The following TFAP2D variants were observed in gnomAD, a reference collection of about 807,000 sequenced individuals.
The protein encoded by TFAP2D is transcription factor AP-2 delta.
Under a neutral mutation model 43.6 loss-of-function variants are expected in TFAP2D, and 9 were observed. That is an observed-to-expected ratio of 0.21 (90% CI 0.12 to 0.36). TFAP2D has a LOEUF of 0.36. TFAP2D is among the 10% of genes least tolerant of loss of function. The pLI is 1.00. For synonymous variants in TFAP2D, 256 were observed against 224.9 expected (o/e 1.14, Z -1.24); for missense variants, 513 against 561.4 (o/e 0.91, Z 0.87).
chr6:50,715,969 C>T (rs1478897137), intron 2 of TFAP2D, among the ~76,000 whole-genome samples: 3 of 152,006 alleles, frequency 2.0e-5, no homozygotes, highest in African/African-American at 7.2e-5. Flanking sequence ...TGGAGGAGAT[C>T]GAGGAGTCTG....
chr6:50,715,555 A>C lies in TFAP2D; in HGVS notation c.479A>C (p.Gln160Pro). ...TCTCAGTATGGAATGCACCCAGATCAAAGACTCCTGCCAGGGCCCAGCCTG... is the reference window on the plus strand; with the variant it reads ...TCTCAGTATGGAATGCACCCAGATCCAAGACTCCTGCCAGGGCCCAGCCTG... ...HGSQYGMHPD[Q>P]RLLPGPSLGL... The change falls in exon 2 of 8, where the codon CAA (glutamine) becomes CCA (proline). Residue 160 changes from glutamine to proline, a missense_variant. Transcript: ENST00000008391. 6.2e-7 allele frequency: 1 copy of C among 1,610,214 alleles called. No homozygotes were observed. The highest frequency in any genetic ancestry group is 8.5e-7 in the Non-Finnish European group (1 of 1,179,058).
Position 50,716,966 on chromosome 6 carries a change from G to A in TFAP2D, c.537+1353G>A, listed in dbSNP as rs1225303066. On this transcript the variant is annotated intron_variant, in intron 2 of 7. Transcript: ENST00000008391. The stretch of plus-strand genomic sequence containing the variant: ...ACCGGTGCACAAGAAAAAAGATTTG[G>A]TTCCATAAACCTTGACTTTCTACAT... 2.6e-5 allele frequency among the ~76,000 whole-genome samples: 4 copies of A among 152,106 alleles called. No individual in the cohort carries two copies. The East Asian group carries it at 7.7e-4, about 29-fold the overall frequency.
At chr6:50,743,534 C>T (rs1420801566) in intron 5 of TFAP2D, among the ~76,000 whole-genome samples, 1 of 151,934 alleles carries the variant, frequency 6.6e-6, no homozygotes, top group Non-Finnish European at 1.5e-5. Flanking sequence ...AGGCATGCAC[C>T]ACCACATCTG....
chr6:50,719,707 T>A (rs935706714), intron 3 of TFAP2D, among the ~76,000 whole-genome samples: 19 of 152,142 alleles, frequency 1.2e-4, no homozygotes, highest in African/African-American at 3.6e-4. Context: ...CTGCCCTTAT[T>A]TTTCTAAGTG....
At chr6:50,760,602 TC>T (rs1769349818) in intron 7 of TFAP2D, among the ~76,000 whole-genome samples, 1 of 151,990 alleles carries the variant, frequency 6.6e-6, no homozygotes. Flanking sequence ...TTAATTAAAT[TC>T]CATTTTAAAA....
At chr6:50,760,819 G>A (rs1402307229) in intron 7 of TFAP2D, among the ~76,000 whole-genome samples, 1 of 151,814 alleles carries the variant, frequency 6.6e-6, no homozygotes, top group Non-Finnish European at 1.5e-5. Context: ...GAGATAAAGT[G>A]TCTAATACTC....
intron 1 of TFAP2D, among the ~76,000 whole-genome samples, chr6:50,714,740 G>GC (rs2114025332): frequency 6.6e-6 from 1 of 152,234 alleles, no homozygotes; most frequent in East Asian, 1.9e-4. Flanking sequence ...GCTACCCGCG[G>GC]CCCCGGAGTC....
At chr6:50,732,157 A>AT (rs890046749) in intron 5 of TFAP2D, among the ~76,000 whole-genome samples, 1 of 152,086 alleles carries the variant, frequency 6.6e-6, no homozygotes, top group Non-Finnish European at 1.5e-5. Context: ...CAAAAACTAG[A>AT]TTTTTAGTAT....
chr6:50,742,060 G>A (rs939710499), intron 5 of TFAP2D, among the ~76,000 whole-genome samples: 1 of 152,010 alleles, frequency 6.6e-6, no homozygotes, highest in Admixed American at 6.6e-5. Context: ...TAAACCTGTT[G>A]ACTAAGACAT....
chr6:50,730,562 C>T (rs899045692), intron 5 of TFAP2D, among the ~76,000 whole-genome samples: 2 of 151,982 alleles, frequency 1.3e-5, no homozygotes, highest in African/African-American at 4.8e-5. Flanking sequence ...GATTTCTGCA[C>T]ATTTTAAGTA....
At chr6:50,731,791 G>A (rs755335060) in intron 5 of TFAP2D, among the ~76,000 whole-genome samples, 10 of 151,980 alleles carry the variant, frequency 6.6e-5, no homozygotes, top group Non-Finnish European at 1.2e-4. Flanking sequence ...GGTGGTAACA[G>A]CTGATGACTC....
At chr6:50,735,911 T>G (rs908135945) in intron 5 of TFAP2D, among the ~76,000 whole-genome samples, 6 of 152,176 alleles carry the variant, frequency 3.9e-5, no homozygotes, top group African/African-American at 1.4e-4. Context: ...CGGAATCATT[T>G]TGCCAATTAT....
intron 5 of TFAP2D, among the ~76,000 whole-genome samples, chr6:50,732,825 T>A (rs1202635490): frequency 6.6e-6 from 1 of 152,104 alleles, no homozygotes; most frequent in Non-Finnish European, 1.5e-5. Context: ...TATCCCTAGG[T>A]TTCTATGCTT....
At chr6:50,745,338 C>A in intron 6 of TFAP2D, 90 bp downstream of exon 6, 2 of 1,546,032 alleles carry the variant, frequency 1.3e-6, no homozygotes, top group Non-Finnish European at 8.8e-7. Context: ...CTAGAAGGCA[C>A]CCGTTCTCTA....
rs189851384 is a variant in TFAP2D, at chr6:50,738,874, C to T, written c.884-6233C>T. On this transcript the variant is annotated intron_variant, in intron 5 of 7. Coordinates refer to ENST00000008391, the MANE Select transcript of TFAP2D (RefSeq NM_172238.4). ...AGAGGCTCTTATAGTTTCATATTAA[C>T]TCGCTAGTGGCTGCTTTCCCTTTTG... is the stretch of plus-strand genomic sequence containing the variant. 9.9e-5 allele frequency among the ~76,000 whole-genome samples: 15 copies of T among 152,276 alleles called. No homozygotes were observed. The East Asian group carries it at 1.9e-3, about 20-fold the overall frequency.
At position 50,765,917 on chromosome 6, in the gene TFAP2D, G is replaced by A. The variant is rs529277408; in HGVS notation, c.1140-6728G>A. The stretch of plus-strand genomic sequence containing the variant: ...TGGTTTTGTTGCCTGTGCTTTAGGT[G>A]TCATGTCCAAAAAATAAAGCCAAGA... On this transcript the variant is annotated intron_variant, in intron 7 of 7. Transcript: ENST00000008391. 3.9e-5 allele frequency among the ~76,000 whole-genome samples: 6 copies of A among 152,222 alleles called. No individual in the cohort carries two copies. In the South Asian group the frequency reaches 1.2e-3, roughly 32 times the overall value.
At chr6:50,771,174 G>A (rs1561943320) in intron 7 of TFAP2D, among the ~76,000 whole-genome samples, 2 of 152,048 alleles carry the variant, frequency 1.3e-5, no homozygotes, top group African/African-American at 4.8e-5. Flanking sequence ...GTTAGTTTTC[G>A]GGACCTAAAT....
At chr6:50,756,229 C>G (rs967386981) in intron 7 of TFAP2D, among the ~76,000 whole-genome samples, 3 of 151,886 alleles carry the variant, frequency 2.0e-5, no homozygotes, top group Non-Finnish European at 1.5e-5. Flanking sequence ...ACCATTAGCT[C>G]AAGAGAAAGA....
At chr6:50,760,563 C>G (rs980636184) in intron 7 of TFAP2D, among the ~76,000 whole-genome samples, 1 of 151,960 alleles carries the variant, frequency 6.6e-6, no homozygotes, top group African/African-American at 2.4e-5. Flanking sequence ...TCTTCACCAC[C>G]AGAGAACTAG....
Sources: gnomAD v4.1 joint callset for allele counts (sites outside exome capture counted in the v4.1 genomes callset) on GRCh38, gnomAD v4.1.1 for gene constraint, MANE v1.5 for transcripts, NCBI Gene and HGNC (gene_info 2026-07-23, HGNC 2026-07-21) for gene names.